Variants in GRIA4 observed in about 807,000 individuals in gnomAD.
GRIA4 encodes glutamate ionotropic receptor AMPA type subunit 4.
Under a neutral mutation model 104.0 loss-of-function variants are expected in GRIA4, and 34 were observed. The ratio of observed to expected loss-of-function variants is 0.33; its 90% CI spans 0.25 to 0.44. The LOEUF is 0.44. Ranked by LOEUF, GRIA4 falls within the 20% of genes least tolerant of loss-of-function variation. The probability of loss-of-function intolerance (pLI) is 1.00; values close to 1 mark genes in which losing one functional copy is unlikely to be tolerated. For missense variants in GRIA4, 750 were observed against 1,096.5 expected (o/e 0.68, Z 4.46); for synonymous variants, 386 against 381.9 (o/e 1.01, Z -0.13).
intron 9 of GRIA4, among the ~76,000 whole-genome samples, chr11:105,906,711 T>C (rs796772373): frequency 6.6e-6 from 1 of 152,102 alleles, no homozygotes; most frequent in South Asian, 2.1e-4. Context: ...AGGAGATGGA[T>C]GGCAGCCGGG....
At chr11:105,899,646 A>G in intron 7 of GRIA4, among the ~76,000 whole-genome samples, 1 of 152,354 alleles carries the variant, frequency 6.6e-6, no homozygotes, top group East Asian at 1.9e-4. Context: ...CTCTTTAAAT[A>G]CTGAATAAGT....
At chr11:105,767,901 G>A (rs542602608) in intron 4 of GRIA4, among the ~76,000 whole-genome samples, 12 of 152,084 alleles carry the variant, frequency 7.9e-5, no homozygotes, top group African/African-American at 2.9e-4. Flanking sequence ...TTATGCTGCC[G>A]ATGAGGACCT....
intron 7 of GRIA4, 58 bp from the exon 8 acceptor site, chr11:105,903,756 T>C: frequency 1.6e-6 from 2 of 1,217,714 alleles, no homozygotes; most frequent in Non-Finnish European, 2.4e-6. Context: ...CCCCAGACCA[T>C]TTCTGGCACT....
chr11:105,644,632 A>T lies in GRIA4; in HGVS notation c.247+32198A>T, dbSNP rs1285644694. Among the ~76,000 whole-genome samples the T allele has an allele frequency of 2.0e-5, 3 of 152,102 alleles. No individual in the cohort carries two copies. In the East Asian group the frequency reaches 5.8e-4, roughly 29 times the overall value. On this transcript the variant is annotated intron_variant, in intron 3 of 16. Coordinates refer to ENST00000282499, the MANE Select transcript of GRIA4 (RefSeq NM_000829.4). Reference sequence around the variant, plus strand: ...AACTAAATTAATTAATTAAATAATTAAAAAATACCATTTTTATCTTTTTAG... The same window carrying T: ...AACTAAATTAATTAATTAAATAATTTAAAAATACCATTTTTATCTTTTTAG...
At chr11:105,685,291 T>A (rs1390279815) in intron 3 of GRIA4, among the ~76,000 whole-genome samples, 1 of 152,130 alleles carries the variant, frequency 6.6e-6, no homozygotes, top group Non-Finnish European at 1.5e-5. Context: ...TCTTAAGAAA[T>A]GGATGACACT....
intron 4 of GRIA4, among the ~76,000 whole-genome samples, chr11:105,804,458 C>T (rs1299952111): frequency 6.6e-6 from 1 of 151,688 alleles, no homozygotes; most frequent in African/African-American, 2.4e-5. Context: ...GAATCCCCCA[C>T]TTAACAAGTT....
intron 9 of GRIA4, 25 bp from the exon 10 acceptor site, chr11:105,910,410 T>G (rs771133373): frequency 5.4e-6 from 6 of 1,117,914 alleles, no homozygotes; most frequent in Non-Finnish European, 5.5e-6. Flanking sequence ...AAAATATGTT[T>G]TCAAGCATGT....
chr11:105,675,224 G>A lies in GRIA4; in HGVS notation c.247+62790G>A, dbSNP rs527947351. On this transcript the variant is annotated intron_variant, in intron 3 of 16. Coordinates refer to ENST00000282499, the MANE Select transcript of GRIA4 (RefSeq NM_000829.4). ...TCTCATGGGAAACTGCTTCCCCCTC[G>A]TGCTGGTACTATCTTCGTAAAAGAC... is the stretch of plus-strand genomic sequence containing the variant. Among the ~76,000 whole-genome samples the A allele has an allele frequency of 8.6e-5, 13 of 151,842 alleles. No individual in the cohort carries two copies. The South Asian group carries it at 1.0e-3, about 12-fold the overall frequency.
chr11:105,877,084 A>C (rs913308417), intron 5 of GRIA4, among the ~76,000 whole-genome samples: 4 of 151,630 alleles, frequency 2.6e-5, no homozygotes, highest in African/African-American at 4.8e-5. Context: ...GTGCTTCAGC[A>C]GCTCTTGTAA....
chr11:105,707,446 T>C (rs1565480543), intron 3 of GRIA4: 1 of 152,220 alleles, frequency 6.6e-6, no homozygotes, highest in Non-Finnish European at 1.5e-5. Context: ...TACTGAAAGT[T>C]CATGGGACAG....
At chr11:105,858,205 A>T (rs1945086697) in intron 4 of GRIA4, among the ~76,000 whole-genome samples, 1 of 152,172 alleles carries the variant, frequency 6.6e-6, no homozygotes, top group Non-Finnish European at 1.5e-5. Flanking sequence ...ATTCTAAAAA[A>T]TTATTTTCAT....
At chr11:105,695,943 T>C (rs1205658464) in intron 3 of GRIA4, among the ~76,000 whole-genome samples, 1 of 152,206 alleles carries the variant, frequency 6.6e-6, no homozygotes, top group Non-Finnish European at 1.5e-5. Flanking sequence ...TTAAAAAGTC[T>C]GTAAAAGGTC....
In GRIA4 at chr11:105,980,975, A is replaced by G. The variant is rs1859230503; in HGVS notation, c.*1236A>G. The G allele has an allele frequency of 6.6e-6, 1 of 152,570 alleles. No homozygotes were observed. Among genetic ancestry groups the G allele is most frequent in the South Asian group, 2.1e-4 (1 of 4,828 alleles). 9.5% of individuals were successfully genotyped at this position (152,570 alleles called of 1,614,324 possible). A position where few individuals can be genotyped will look rare whatever the true frequency, so the allele number is the denominator to read the frequency against. ...TAATTGTGTGTTGAAATTTTACTTG[A>G]CTGTATTTTGCTGCATAAAATTATG... On this transcript the variant is annotated 3_prime_UTR_variant, in exon 17 of 17. Coordinates refer to ENST00000282499, the MANE Select transcript of GRIA4 (RefSeq NM_000829.4).
rs1171075158 is a variant in GRIA4, at chr11:105,919,030, C to T, written c.1476+112C>T. The T allele has an allele frequency of 4.5e-6, 3 of 672,126 alleles. No individual in the cohort carries two copies. In the Admixed American group the frequency reaches 6.9e-5, roughly 15 times the overall value. The allele number at this position is 672,126 out of a possible 1,614,324, so 41.6% of individuals were successfully genotyped here. ...TTATTGTTTAATTTGCAGCAACATT[C>T]CAAGAGGCACATACAGTGTTTAAAT... On this transcript the variant is annotated intron_variant, in intron 11 of 16. Coordinates refer to ENST00000282499, the MANE Select transcript of GRIA4 (RefSeq NM_000829.4).
chr11:105,812,926 C>A (rs1192778365), intron 4 of GRIA4, among the ~76,000 whole-genome samples: 1 of 151,604 alleles, frequency 6.6e-6, no homozygotes, highest in Non-Finnish European at 1.5e-5. Flanking sequence ...ATGGTGAAAC[C>A]CCGTCTCTAC....
At chr11:105,672,752 C>T (rs1952415054) in intron 3 of GRIA4, among the ~76,000 whole-genome samples, 1 of 151,992 alleles carries the variant, frequency 6.6e-6, no homozygotes, top group Non-Finnish European at 1.5e-5. Flanking sequence ...CACAATTTAC[C>T]TGCAAGTACT....
intron 13 of GRIA4, among the ~76,000 whole-genome samples, chr11:105,931,282 A>G (rs1947865667): frequency 6.6e-6 from 1 of 151,812 alleles, no homozygotes; most frequent in African/African-American, 2.4e-5. Flanking sequence ...ACACACACAC[A>G]CACACACACA....
chr11:105,636,741 A>G (rs1951213695), intron 3 of GRIA4, among the ~76,000 whole-genome samples: 1 of 152,182 alleles, frequency 6.6e-6, no homozygotes, highest in Non-Finnish European at 1.5e-5. Flanking sequence ...AGCTGTTTGT[A>G]AAGGGAAATC....
intron 4 of GRIA4, among the ~76,000 whole-genome samples, chr11:105,764,283 C>T (rs572449569): frequency 1.3e-5 from 2 of 152,132 alleles, no homozygotes; most frequent in South Asian, 4.2e-4. Context: ...ACTACAGGCG[C>T]CCACTACCAC....
Sources: gnomAD v4.1 joint callset for allele counts (sites outside exome capture counted in the v4.1 genomes callset) on GRCh38, gnomAD v4.1.1 for gene constraint, MANE v1.5 for transcripts, NCBI Gene and HGNC (gene_info 2026-07-23, HGNC 2026-07-21) for gene names.